PDGFD: variants seen among roughly 807,000 people sequenced by gnomAD.
The protein encoded by PDGFD is platelet-derived growth factor D.
A neutral mutation model predicts 44.7 loss-of-function variants in PDGFD; 30 were observed. The ratio of observed to expected loss-of-function variants is 0.67; its 90% CI spans 0.50 to 0.91. PDGFD has a LOEUF of 0.91. Ranked by LOEUF, PDGFD falls within the 40% of genes least tolerant of loss-of-function variation. PDGFD has a pLI of 0.00. For synonymous variants in PDGFD, 173 were observed against 168.4 expected, an observed-to-expected ratio of 1.03 and a Z score of -0.21; for missense variants, 445 against 457.8, an observed-to-expected ratio of 0.97 and a Z score of 0.25.
At position 104,101,598 on chromosome 11, in the gene PDGFD, A is replaced by G. The variant is rs544485488; in HGVS notation, c.124+62206T>C. On this transcript the variant is annotated intron_variant, in intron 1 of 6. Transcript: ENST00000393158. ...CTACTTTAAAGTTCATATGGAACCA[A>G]AAAAGAGCCCTCATCGCCAAGTCAA... is the stretch of plus-strand genomic sequence containing the variant. Among the ~76,000 whole-genome samples, 1,023 of 152,270 alleles carry G rather than the reference A, an allele frequency of 6.7e-3. 3 individuals carry two copies. The highest frequency in any genetic ancestry group is 0.023 in the African/African-American group (953 of 41,534).
chr11:104,009,259 A>G (rs747014063), intron 1 of PDGFD, among the ~76,000 whole-genome samples: 78 of 152,240 alleles, frequency 5.1e-4, no homozygotes, highest in Non-Finnish European at 8.7e-4. Context: ...ATGCTGTAAC[A>G]AAAGTAAAAT....
At chr11:104,095,993 A>G (rs591118) in intron 1 of PDGFD, among the ~76,000 whole-genome samples, 84,190 of 152,066 alleles carry the variant, frequency 0.55, 25,126 homozygotes, top group East Asian at 0.79. Flanking sequence ...CAGTGGCAAG[A>G]AAGAATTAAT....
intron 1 of PDGFD, among the ~76,000 whole-genome samples, chr11:104,119,375 G>GATATAAT (rs1565340839): frequency 1.2e-3 from 4 of 3,426 alleles, no homozygotes; most frequent in Non-Finnish European, 2.7e-3. Flanking sequence ...ATAATATATT[G>GATATAAT]ATATAATATA....
chr11:104,046,012 G>A (rs1423501159), intron 1 of PDGFD, among the ~76,000 whole-genome samples: 1 of 147,176 alleles, frequency 6.8e-6, no homozygotes, highest in Non-Finnish European at 1.5e-5. Flanking sequence ...AGATTGTTAT[G>A]TTGCCATGGA....
At chr11:103,931,251 G>A (rs767019303) in intron 5 of PDGFD, among the ~76,000 whole-genome samples, 1 of 152,116 alleles carries the variant, frequency 6.6e-6, no homozygotes, top group Non-Finnish European at 1.5e-5. Flanking sequence ...GTGCCTTACT[G>A]GGTCAAAATC....
intron 3 of PDGFD, among the ~76,000 whole-genome samples, chr11:103,994,698 G>C (rs1859509522): frequency 6.6e-6 from 1 of 152,032 alleles, no homozygotes; most frequent in Non-Finnish European, 1.5e-5. Flanking sequence ...TTGGTAAAGG[G>C]ACAGAGACAA....
At chr11:104,034,146 C>G (rs1860178642) in intron 1 of PDGFD, among the ~76,000 whole-genome samples, 1 of 152,154 alleles carries the variant, frequency 6.6e-6, no homozygotes, top group African/African-American at 2.4e-5. Flanking sequence ...CCCTCACCAT[C>G]TTCTTCATCT....
chr11:103,908,505 C>T lies in PDGFD; in HGVS notation c.*1189G>A, dbSNP rs191105072. 49 of 152,188 alleles carry T rather than the reference C, an allele frequency of 3.2e-4. No homozygotes were observed. In the East Asian group the frequency reaches 3.3e-3, roughly 10 times the overall value. The allele number at this position is 152,188 out of a possible 1,614,324, so 9.4% of individuals were successfully genotyped here. A position where few individuals can be genotyped will look rare whatever the true frequency, so the allele number is the denominator to read the frequency against. ...GAAATCAGAACAGTGAGCAAGTATA[C>T]GATTAGAAATTTACATTAATAAAAT... On this transcript the variant is annotated 3_prime_UTR_variant, in exon 7 of 7. Transcript: ENST00000393158.
intron 3 of PDGFD, among the ~76,000 whole-genome samples, chr11:103,951,876 G>A (rs988693478): frequency 6.6e-6 from 1 of 152,096 alleles, no homozygotes; most frequent in African/African-American, 2.4e-5. Context: ...TTTTATTGTT[G>A]ATTGTCTCTT....
chr11:104,065,429 T>A (rs1284179334), intron 1 of PDGFD, among the ~76,000 whole-genome samples: 1 of 152,156 alleles, frequency 6.6e-6, no homozygotes, highest in African/African-American at 2.4e-5. Context: ...CTTGAAAAAT[T>A]TTAGTCTTAA....
At chr11:104,132,623 A>C (rs1023347766) in intron 1 of PDGFD, among the ~76,000 whole-genome samples, 6 of 152,102 alleles carry the variant, frequency 3.9e-5, no homozygotes, top group Non-Finnish European at 2.9e-5. Flanking sequence ...AAGTAGACTA[A>C]TGAGCTAGAT....
chr11:104,084,202 A>G (rs1260480661), intron 1 of PDGFD, among the ~76,000 whole-genome samples: 1 of 152,230 alleles, frequency 6.6e-6, no homozygotes, highest in Non-Finnish European at 1.5e-5. Context: ...AGCCTAGCTC[A>G]CAGGTAACTC....
intron 3 of PDGFD, among the ~76,000 whole-genome samples, chr11:103,987,554 T>C (rs1294793853): frequency 6.6e-6 from 1 of 152,188 alleles, no homozygotes; most frequent in Non-Finnish European, 1.5e-5. Context: ...ATCATAGTTG[T>C]TGTACACTTA....
chr11:104,140,695 C>A (rs12284737), intron 1 of PDGFD, among the ~76,000 whole-genome samples: 2 of 152,106 alleles, frequency 1.3e-5, no homozygotes, highest in African/African-American at 4.8e-5. Flanking sequence ...ATATCCCCCC[C>A]TGAACATTAT....
In PDGFD at chr11:103,907,230, G is replaced by A. The variant is rs1014270275; in HGVS notation, c.*2464C>T. The A allele has an allele frequency of 4.6e-5, 7 of 151,894 alleles. No individual in the cohort carries two copies. The highest frequency in any genetic ancestry group is 1.5e-5 in the Non-Finnish European group (1 of 67,982). The allele number at this position is 151,894 out of a possible 1,614,324, so 9.4% of individuals were successfully genotyped here. On this transcript the variant is annotated 3_prime_UTR_variant, in exon 7 of 7. Coordinates refer to ENST00000393158, the MANE Select transcript of PDGFD (RefSeq NM_025208.5). Reference sequence around the variant, plus strand: ...TATTTATTTTTCATGAAGATAAGAGGCATATTACATTCGCTATAGAAAATG... The same window carrying A: ...TATTTATTTTTCATGAAGATAAGAGACATATTACATTCGCTATAGAAAATG...
intron 1 of PDGFD, among the ~76,000 whole-genome samples, chr11:104,151,813 A>G (rs2119907465): frequency 6.6e-6 from 1 of 152,246 alleles, no homozygotes; most frequent in Admixed American, 6.5e-5. Context: ...TTCAAATAAT[A>G]TTGTGCTCAA....
intron 3 of PDGFD, among the ~76,000 whole-genome samples, chr11:103,992,524 C>A (rs1276373569): frequency 1.3e-5 from 2 of 152,156 alleles, no homozygotes; most frequent in African/African-American, 2.4e-5. Context: ...GATAAGAAAG[C>A]TGTTTAATAT....
chr11:104,150,736 A>G (rs1448582818), intron 1 of PDGFD, among the ~76,000 whole-genome samples: 2 of 152,148 alleles, frequency 1.3e-5, no homozygotes, highest in Admixed American at 6.6e-5. Context: ...CTGTGGTCAC[A>G]TAGCCATCTC....
intron 1 of PDGFD, among the ~76,000 whole-genome samples, chr11:104,151,003 AT>A (rs1250130958): frequency 6.6e-6 from 1 of 152,190 alleles, no homozygotes; most frequent in Non-Finnish European, 1.5e-5. Context: ...AAAAATGGTC[AT>A]TTTATATAAC....
Sources: allele counts gnomAD v4.1 joint callset (sites outside exome capture counted in the v4.1 genomes callset), GRCh38; gene constraint gnomAD v4.1.1; transcripts MANE v1.5; gene names NCBI Gene and HGNC (gene_info 2026-07-23, HGNC 2026-07-21).